ABLIM2: variants seen among roughly 807,000 people sequenced by gnomAD.
ABLIM2 encodes the protein actin-binding LIM protein 2.
In ABLIM2, 53 loss-of-function variants were observed where a neutral mutation model predicts 97.7. The observed-to-expected ratio is 0.54, with a 90% CI of 0.44 to 0.68. The LOEUF (loss-of-function observed/expected upper bound fraction) is 0.68, where lower values mean the gene tolerates loss of function less well. Ranked by LOEUF, ABLIM2 falls within the 30% of genes least tolerant of loss-of-function variation. ABLIM2 has a pLI of 0.00. For missense variants in ABLIM2, 835 were observed against 867.2 expected (o/e 0.96, Z 0.47); for synonymous variants, 361 against 345.8 (o/e 1.04, Z -0.49).
rs1485568773 is a variant in ABLIM2 at position 8,023,647 on chromosome 4, C to T, written c.1268-3344G>A. ...CTCGGGAAGGAGCCACTCTGTGTAG[C>T]CCACACTTGTCCACATGTCAGGAGT... On this transcript the variant is annotated intron_variant, in intron 12 of 20. Coordinates refer to ENST00000447017, the MANE Select transcript of ABLIM2 (RefSeq NM_001130083.2). The surrounding 1 kb of genome is among the most constrained non-coding windows in gnomAD (Gnocchi z 5.7). Among the ~76,000 whole-genome samples the T allele has an allele frequency of 1.3e-5, 2 of 152,226 alleles. No individual in the cohort carries two copies.
At position 8,110,097 on chromosome 4, in the gene ABLIM2, A is replaced by G. The variant is rs1049777414; in HGVS notation, c.11-3460T>C. On this transcript the variant is annotated intron_variant, in intron 1 of 20. Coordinates refer to ENST00000447017, the MANE Select transcript of ABLIM2 (RefSeq NM_001130083.2). ...CAAATGGTGCCTCTCTCGGCCACGC[A>G]TGGCCCAGGCCATGGGGGCCCCTGT... 2.6e-5 allele frequency among the ~76,000 whole-genome samples: 4 copies of G among 152,260 alleles called. No individual in the cohort carries two copies. In the East Asian group the frequency reaches 5.8e-4, roughly 22 times the overall value.
At chr4:8,031,726 ATTT>A (rs11312218) in intron 10 of ABLIM2, among the ~76,000 whole-genome samples, 15 of 139,924 alleles carry the variant, frequency 1.1e-4, no homozygotes, top group South Asian at 7.1e-4. Context: ...ATAAATATAC[ATTT>A]TTTTTTTTTT....
At chr4:8,037,719 C>T (rs537011468) in intron 9 of ABLIM2, among the ~76,000 whole-genome samples, 2 of 152,366 alleles carry the variant, frequency 1.3e-5, no homozygotes, top group East Asian at 1.9e-4. Flanking sequence ...TCACATGCTG[C>T]CTGCAGCAAA....
Position 8,061,732 on chromosome 4 carries a change from G to A in ABLIM2, c.676-678C>T, listed in dbSNP as rs1253820107. Among the ~76,000 whole-genome samples, 2 of 151,858 alleles carry A rather than the reference G, an allele frequency of 1.3e-5. No homozygotes were observed. Among genetic ancestry groups the A allele is most frequent in the South Asian group, 2.1e-4 (1 of 4,812 alleles). On this transcript the variant is annotated intron_variant, in intron 6 of 20. Coordinates refer to ENST00000447017, the MANE Select transcript of ABLIM2 (RefSeq NM_001130083.2). The surrounding 1 kb of genome is among the most constrained non-coding windows in gnomAD (Gnocchi z 4.5). ...ACACTTCCTACCCTGAGGGCACGGC[G>A]GGTGCAGCCTATTGCTAAATGTGGA... is the stretch of plus-strand genomic sequence containing the variant.
In ABLIM2 at chr4:8,005,521, G is replaced by A. The variant is rs1760678520; in HGVS notation, c.1618+2538C>T. 1 of 507,932 alleles carries A rather than the reference G, an allele frequency of 2.0e-6. No homozygotes were observed. The highest frequency in any genetic ancestry group is 4.0e-6 in the Non-Finnish European group (1 of 248,244). 31.5% of individuals were successfully genotyped at this position (507,932 alleles called of 1,614,324 possible). A position where few individuals can be genotyped will look rare whatever the true frequency, so the allele number is the denominator to read the frequency against. On this transcript the variant is annotated intron_variant, in intron 16 of 20. Transcript: ENST00000447017. This position sits in a 1 kb window ranked among gnomAD's most constrained non-coding sequence, Gnocchi z 4.9. Reference sequence around the variant, plus strand: ...ACTGGTGCCCACGGACTCAGGTCTGGGGGCTACTTGGTGACAATCAAAAGA... The same window carrying A: ...ACTGGTGCCCACGGACTCAGGTCTGAGGGCTACTTGGTGACAATCAAAAGA...
At chr4:8,000,960 G>T (rs1756743570) in intron 16 of ABLIM2, among the ~76,000 whole-genome samples, 1 of 152,206 alleles carries the variant, frequency 6.6e-6, no homozygotes, top group Non-Finnish European at 1.5e-5. Flanking sequence ...GCAGAGGACT[G>T]TGGCTCACAC....
rs185252948 is a variant in ABLIM2 at position 8,111,702 on chromosome 4, G to A, written c.11-5065C>T. 8.9e-4 allele frequency among the ~76,000 whole-genome samples: 136 copies of A among 152,258 alleles called. 1 individual carries two copies. In the East Asian group the frequency reaches 0.014, roughly 15 times the overall value. On this transcript the variant is annotated intron_variant, in intron 1 of 20. Coordinates refer to ENST00000447017, the MANE Select transcript of ABLIM2 (RefSeq NM_001130083.2). The stretch of plus-strand genomic sequence containing the variant: ...AGCACTTTGGGAAGCTGAGGTGGGT[G>A]GGTTACTGAGGTCAGGAGTTTGAGA...
chr4:8,008,104 C>T lies in ABLIM2; in HGVS notation c.1573G>A (p.Asp525Asn), dbSNP rs765886161. Residue 525 changes from aspartate to asparagine, a missense_variant, in exon 16 of 21, where the codon GAC becomes AAC. By Grantham distance (23) the Asp-to-Asn change is conservative. Transcript: ENST00000447017. The part of the protein sequence containing the change: ...TQSLSHSSGT[D>N]RDPLQRMAGD... ...GCCATCCTTTGGAGAGGGTCTCTGT[C>T]GGTCCCGCTGCTGTGGGACAAGGAC... 38 of 1,613,924 alleles carry T rather than the reference C, an allele frequency of 2.4e-5. No homozygotes were observed. Among genetic ancestry groups the T allele is most frequent in the Admixed American group, 1.3e-4 (8 of 60,006 alleles).
rs1031290452 is a variant in ABLIM2 at position 8,083,890 on chromosome 4, C to T, written c.455-3088G>A. Among the ~76,000 whole-genome samples, 8 of 152,178 alleles carry T rather than the reference C, an allele frequency of 5.3e-5. No homozygotes were observed. Among genetic ancestry groups the T allele is most frequent in the African/African-American group, 1.7e-4 (7 of 41,450 alleles). On this transcript the variant is annotated intron_variant, in intron 4 of 20. Coordinates refer to ENST00000447017, the MANE Select transcript of ABLIM2 (RefSeq NM_001130083.2). This position sits in a 1 kb window ranked among gnomAD's most constrained non-coding sequence, Gnocchi z 4.6. ...TATTTTCCCCAAAAGGCTCCCTCTT[C>T]CACAAGATGTGGTCATGGTGGGGGT...
intron 11 of ABLIM2, among the ~76,000 whole-genome samples, chr4:8,029,018 C>T (rs1560749411): frequency 6.6e-6 from 1 of 152,334 alleles, no homozygotes; most frequent in East Asian, 1.9e-4. Flanking sequence ...GTGGCTTTGA[C>T]ACGCTCAGGG....
chr4:8,015,140 C>T lies in ABLIM2; in HGVS notation c.1423+4478G>A, dbSNP rs1578693703. Among the ~76,000 whole-genome samples, 1 of 152,050 alleles carries T rather than the reference C, an allele frequency of 6.6e-6. No homozygotes were observed. Among genetic ancestry groups the T allele is most frequent in the South Asian group, 2.1e-4 (1 of 4,816 alleles). On this transcript the variant is annotated intron_variant, in intron 14 of 20. Transcript: ENST00000447017. The surrounding 1 kb of genome is among the most constrained non-coding windows in gnomAD (Gnocchi z 4.6). ...TTCACCATGTTGGCCAGGCTGGTCT[C>T]GAATGCTTGACCTCAGGTGATCCAT... is the stretch of plus-strand genomic sequence containing the variant.
chr4:7,970,495 G>A lies in ABLIM2; in HGVS notation c.1825-3392C>T, dbSNP rs562852300. On this transcript the variant is annotated intron_variant, in intron 20 of 20. Coordinates refer to ENST00000447017, the MANE Select transcript of ABLIM2 (RefSeq NM_001130083.2). The surrounding 1 kb of genome is among the most constrained non-coding windows in gnomAD (Gnocchi z 5.3). ...AGGAGTGGAGAGGGAGCGGATGGTG[G>A]GCAGGCGTGCCCCGCATGCTGGGGA... Among the ~76,000 whole-genome samples, 42 of 152,006 alleles carry A rather than the reference G, an allele frequency of 2.8e-4. No individual in the cohort carries two copies. The highest frequency in any genetic ancestry group is 8.9e-4 in the African/African-American group (37 of 41,534).
chr4:8,054,096 C>T lies in ABLIM2; in HGVS notation c.822+92G>A. The T allele has an allele frequency of 2.1e-6, 3 of 1,448,606 alleles. No homozygotes were observed. The highest frequency in any genetic ancestry group is 2.9e-6 in the Non-Finnish European group (3 of 1,032,752). The allele number at this position is 1,448,606 out of a possible 1,614,324, so 89.7% of individuals were successfully genotyped here. A position where few individuals can be genotyped will look rare whatever the true frequency, so the allele number is the denominator to read the frequency against. ...GCAGCCCGTGGGACTGGACAATGAGCCTGTAGAATCTGGTCAGTGTCCTCT... is the reference window on the plus strand; with the variant it reads ...GCAGCCCGTGGGACTGGACAATGAGTCTGTAGAATCTGGTCAGTGTCCTCT... On this transcript the variant is annotated intron_variant, in intron 8 of 20. Transcript: ENST00000447017. The surrounding 1 kb of genome is among the most constrained non-coding windows in gnomAD (Gnocchi z 4.9).
Position 8,127,650 on chromosome 4 carries a change from CG to C in ABLIM2, c.11-21014del. 1 of 1,285,368 alleles carries C rather than the reference CG, an allele frequency of 7.8e-7. No homozygotes were observed. The highest frequency in any genetic ancestry group is 1.2e-5 in the South Asian group (1 of 80,788). The allele number at this position is 1,285,368 out of a possible 1,614,324, so 79.6% of individuals were successfully genotyped here. On this transcript the variant is annotated intron_variant, in intron 1 of 20. Transcript: ENST00000447017. This position sits in a 1 kb window ranked among gnomAD's most constrained non-coding sequence, Gnocchi z 7.3. ...GCTGGGCCTGGCACCCACGGAGGATCGGGCAGGAGTGGACCGGGGAAGAGCC... is the reference window on the plus strand; with the variant it reads ...GCTGGGCCTGGCACCCACGGAGGATCGGCAGGAGTGGACCGGGGAAGAGCC...
chr4:8,107,268 CTG>C (rs1391304548), intron 1 of ABLIM2, among the ~76,000 whole-genome samples: 3 of 152,250 alleles, frequency 2.0e-5, no homozygotes, highest in Non-Finnish European at 4.4e-5. Context: ...CAGGGCCTGA[CTG>C]TGGGGCTCCC....
At chr4:7,975,327 G>A (rs996266874) in intron 20 of ABLIM2, among the ~76,000 whole-genome samples, 1 of 152,342 alleles carries the variant, frequency 6.6e-6, no homozygotes, top group Admixed American at 6.5e-5. Context: ...TGAGCTCTGT[G>A]TGCTGAACCC....
intron 1 of ABLIM2, among the ~76,000 whole-genome samples, chr4:8,133,718 C>G (rs1398934369): frequency 6.6e-6 from 1 of 152,228 alleles, no homozygotes; most frequent in Non-Finnish European, 1.5e-5. Context: ...GGCCCTCCGA[C>G]AGCATCTCTG....
At chr4:8,091,269 G>GTA (rs1827209454) in intron 3 of ABLIM2, among the ~76,000 whole-genome samples, 1 of 59,414 alleles carries the variant, frequency 1.7e-5, no homozygotes, top group South Asian at 3.5e-4. Context: ...TCATTTGTGT[G>GTA]TATATATATA....
At chr4:8,137,741 T>C (rs982841581) in intron 1 of ABLIM2, among the ~76,000 whole-genome samples, 8 of 152,218 alleles carry the variant, frequency 5.3e-5, no homozygotes, top group Non-Finnish European at 8.8e-5. Flanking sequence ...GTGCAGCCAC[T>C]GTGGAAAAGT....
Sources: gnomAD v4.1 joint callset for allele counts (sites outside exome capture counted in the v4.1 genomes callset) on GRCh38, gnomAD v4.1.1 for gene constraint, Gnocchi (gnomAD v3.1) non-coding constraint, MANE v1.5 for transcripts, NCBI Gene and HGNC (gene_info 2026-07-23, HGNC 2026-07-21) for gene names.